Variants in DCUN1D1 observed in about 807,000 individuals in gnomAD.
DCUN1D1 encodes defective in cullin neddylation 1 domain containing 1.
In DCUN1D1, 3 loss-of-function variants were observed where a neutral mutation model predicts 39.0. The ratio of observed to expected loss-of-function variants is 0.08; its 90% CI spans 0.04 to 0.20. DCUN1D1 has a LOEUF of 0.20. Ranked by LOEUF, DCUN1D1 falls within the 10% of genes least tolerant of loss-of-function variation. The pLI is 1.00. For missense variants in DCUN1D1, 158 were observed against 302.4 expected, an observed-to-expected ratio of 0.52 and a Z score of 3.54; for synonymous variants, 82 against 96.3, an observed-to-expected ratio of 0.85 and a Z score of 0.87.
At position 182,977,554 on chromosome 3, in the gene DCUN1D1, G is replaced by A. The variant is rs149504490; in HGVS notation, c.3+2933C>T. On this transcript the variant is annotated intron_variant, in intron 1 of 6. Coordinates refer to ENST00000292782, the MANE Select transcript of DCUN1D1 (RefSeq NM_020640.4). ...GGGTTCCAGTGATTCTCCCGCCTCA[G>A]CCTCCTGAGTAGCTGAGACTACAGG... 5.9e-5 allele frequency among the ~76,000 whole-genome samples: 9 copies of A among 152,062 alleles called. No homozygotes were observed. In the East Asian group the frequency reaches 1.8e-3, roughly 30 times the overall value.
Position 182,963,813 on chromosome 3 carries a change from A to G in DCUN1D1, c.389+68T>C, listed in dbSNP as rs911838813. The G allele has an allele frequency of 3.0e-6, 4 of 1,341,868 alleles. No homozygotes were observed. In the South Asian group the frequency reaches 4.7e-5, roughly 16 times the overall value. 83.1% of individuals were successfully genotyped at this position (1,341,868 alleles called of 1,614,324 possible). A position where few individuals can be genotyped will look rare whatever the true frequency, so the allele number is the denominator to read the frequency against. ...GCCAGCAAATCTTTAAATTTACACTAAAAAGTTCATGACATAATTCAGTTC... is the reference window on the plus strand; with the variant it reads ...GCCAGCAAATCTTTAAATTTACACTGAAAAGTTCATGACATAATTCAGTTC... On this transcript the variant is annotated intron_variant, in intron 3 of 6. Coordinates refer to ENST00000292782, the MANE Select transcript of DCUN1D1 (RefSeq NM_020640.4).
At position 182,940,442 on chromosome 3, in the gene DCUN1D1, A is replaced by G. The variant is rs1425942322; in HGVS notation, c.*4652T>C. 1 of 152,170 alleles carries G rather than the reference A, an allele frequency of 6.6e-6. No individual in the cohort carries two copies. The highest frequency in any genetic ancestry group is 1.5e-5 in the Non-Finnish European group (1 of 68,024). The allele number at this position is 152,170 out of a possible 1,614,324, so 9.4% of individuals were successfully genotyped here. ...GTGGGTTGAAAATTCTTCTTTTCAA[A>G]GCAGTGCTGCCTTCAGTGATTAAGC... On this transcript the variant is annotated 3_prime_UTR_variant, in exon 7 of 7. Transcript: ENST00000292782.
At chr3:182,984,859 G>T (rs766101700), upstream of DCUN1D1, among the ~76,000 whole-genome samples, 2 of 152,108 alleles carry the variant, frequency 1.3e-5, no homozygotes, top group Non-Finnish European at 2.9e-5. Context: ...AACATTTCTG[G>T]TAGTTCATCT....
intron 1 of DCUN1D1, among the ~76,000 whole-genome samples, chr3:182,966,004 T>C (rs1301542593): frequency 6.6e-6 from 1 of 152,060 alleles, no homozygotes; most frequent in East Asian, 1.9e-4. Flanking sequence ...ACCCAGCGTT[T>C]CTCCTACAGT....
upstream of DCUN1D1, among the ~76,000 whole-genome samples, chr3:182,984,135 T>G (rs1048109346): frequency 1.3e-5 from 2 of 152,332 alleles, no homozygotes; most frequent in African/African-American, 2.4e-5. Flanking sequence ...ATGTCTGTCT[T>G]AAGACAGTGC....
At chr3:182,959,351 C>A (rs1427156518) in intron 4 of DCUN1D1, among the ~76,000 whole-genome samples, 1 of 152,018 alleles carries the variant, frequency 6.6e-6, no homozygotes, top group African/African-American at 2.4e-5. Context: ...ATACATTTAT[C>A]CCTTCCTCTC....
intron 1 of DCUN1D1, among the ~76,000 whole-genome samples, chr3:182,973,145 G>C (rs1409298779): frequency 6.6e-6 from 1 of 152,216 alleles, no homozygotes; most frequent in East Asian, 1.9e-4. Flanking sequence ...AACACAGATA[G>C]TATAGAACCC....
Position 182,945,101 on chromosome 3 carries a change from G to A in DCUN1D1, c.773C>T (p.Thr258Ile). 6.2e-7 allele frequency: 1 copy of A among 1,612,452 alleles called. No homozygotes were observed. The highest frequency in any genetic ancestry group is 2.2e-5 in the East Asian group (1 of 44,832). The change falls in exon 7 of 7, where the codon ACA becomes ATA. Residue 258 changes from threonine to isoleucine, a missense_variant. Transcript: ENST00000292782. ...RPQIAGTKST[T>I]V ...TAGAAGGTTCCTTTAGTGCTACACT[G>A]TTGTACTTTTTGTCCCAGCAATTTG...
At chr3:182,961,514 G>A (rs1435298723) in intron 3 of DCUN1D1, among the ~76,000 whole-genome samples, 158 bp from the exon 4 acceptor site, 2 of 151,998 alleles carry the variant, frequency 1.3e-5, no homozygotes, top group African/African-American at 4.8e-5. Context: ...ATATAAACAC[G>A]CATGGGGGTT....
chr3:182,958,044 C>A (rs1230040389), intron 4 of DCUN1D1, among the ~76,000 whole-genome samples: 1 of 151,802 alleles, frequency 6.6e-6, no homozygotes, highest in Non-Finnish European at 1.5e-5. Context: ...TCACTCTCTG[C>A]CAATTTGTTT....
intron 4 of DCUN1D1, chr3:182,955,944 T>A (rs2108637020): frequency 6.2e-6 from 1 of 160,468 alleles, no homozygotes; most frequent in Non-Finnish European, 1.4e-5. Flanking sequence ...TTTTTTTTTT[T>A]TTGAGGCAGA....
intron 4 of DCUN1D1, chr3:182,955,617 T>G (rs1450966811): frequency 4.5e-6 from 2 of 441,666 alleles, no homozygotes; most frequent in African/African-American, 4.2e-5. Flanking sequence ...TGAGTCTCGC[T>G]CTGTCACCCA....
intron 2 of DCUN1D1, among the ~76,000 whole-genome samples, chr3:182,964,542 A>G (rs1164308954): frequency 6.6e-6 from 1 of 152,094 alleles, no homozygotes; most frequent in African/African-American, 2.4e-5. Flanking sequence ...AAAAAAATCT[A>G]TACTTATCAG....
intron 4 of DCUN1D1, among the ~76,000 whole-genome samples, chr3:182,959,501 CA>C (rs11373344): frequency 3.0e-3 from 247 of 81,166 alleles, no homozygotes; most frequent in African/African-American, 5.9e-3. Flanking sequence ...CTTCAAAAAC[CA>C]AAAAAAAAAA....
intron 4 of DCUN1D1, among the ~76,000 whole-genome samples, chr3:182,953,789 AT>A (rs1045545564): frequency 4.6e-5 from 7 of 152,224 alleles, no homozygotes; most frequent in Non-Finnish European, 1.0e-4. Context: ...CTAAGTCCTA[AT>A]AACAAGCTAT....
At chr3:182,983,811 T>A (rs1300079016), upstream of DCUN1D1, among the ~76,000 whole-genome samples, 1 of 152,172 alleles carries the variant, frequency 6.6e-6, no homozygotes, top group Non-Finnish European at 1.5e-5. Flanking sequence ...ATTACCACAT[T>A]ATATTTCCCA....
At chr3:182,976,409 G>A (rs1266338797) in intron 1 of DCUN1D1, among the ~76,000 whole-genome samples, 2 of 148,182 alleles carry the variant, frequency 1.3e-5, no homozygotes, top group African/African-American at 2.5e-5. Flanking sequence ...CTGCTCCAAC[G>A]ACCCCCTGTA....
Position 182,941,239 on chromosome 3 carries a change from A to G in DCUN1D1, c.*3855T>C, listed in dbSNP as rs899196877. The G allele has an allele frequency of 6.6e-6, 1 of 152,306 alleles. No homozygotes were observed. Among genetic ancestry groups the G allele is most frequent in the East Asian group, 1.9e-4 (1 of 5,196 alleles). 9.4% of individuals were successfully genotyped at this position (152,306 alleles called of 1,614,324 possible). A position where few individuals can be genotyped will look rare whatever the true frequency, so the allele number is the denominator to read the frequency against. ...GCAAATATTTAAGAAAAATGGCAACAAATAGCAAAGATAAACCTGGAAAAG... is the reference window on the plus strand; with the variant it reads ...GCAAATATTTAAGAAAAATGGCAACGAATAGCAAAGATAAACCTGGAAAAG... On this transcript the variant is annotated 3_prime_UTR_variant, in exon 7 of 7. Coordinates refer to ENST00000292782, the MANE Select transcript of DCUN1D1 (RefSeq NM_020640.4).
At chr3:182,980,555 G>T, upstream of DCUN1D1, 1 of 1,201,562 alleles carries the variant, frequency 8.3e-7, no homozygotes. Context: ...CGGCGGCGGC[G>T]GCGGCTCCTC....
Sources: gnomAD v4.1 joint callset for allele counts (sites outside exome capture counted in the v4.1 genomes callset) on GRCh38, gnomAD v4.1.1 for gene constraint, MANE v1.5 for transcripts, NCBI Gene and HGNC (gene_info 2026-07-23, HGNC 2026-07-21) for gene names.